The following GON4L variants were observed in gnomAD, a reference collection of about 807,000 sequenced individuals.
GON4L encodes the protein gon-4 like.
In GON4L, 87 loss-of-function variants were observed where a neutral mutation model predicts 211.8. The observed-to-expected ratio is 0.41, with a 90% CI of 0.35 to 0.49. The LOEUF is 0.49. Among genes scored for constraint, GON4L ranks in the 20% least tolerant of loss-of-function variants. The pLI is 0.15. For synonymous variants in GON4L, 875 were observed against 962.6 expected, an observed-to-expected ratio of 0.91 and a Z score of 1.68; for missense variants, 2,155 against 2,659.5, an observed-to-expected ratio of 0.81 and a Z score of 4.17.
chr1:155,754,190 T>G, intron 28 of GON4L, 185 bp downstream of exon 28: 2 of 656,062 alleles, frequency 3.0e-6, no homozygotes, highest in Non-Finnish European at 5.6e-6. Context: ...CAGAATTCTC[T>G]TTAAAAAACA....
chr1:155,853,149 C>A, intron 2 of GON4L, 127 bp downstream of exon 2: 1 of 898,698 alleles, frequency 1.1e-6, no homozygotes. Context: ...CTTAGCAACA[C>A]AGCAGTTCCA....
chr1:155,781,293 C>T (rs1664397922), intron 14 of GON4L, among the ~76,000 whole-genome samples: 1 of 151,800 alleles, frequency 6.6e-6, no homozygotes. Context: ...CAGGCACCTG[C>T]CAACACGTCC....
intron 27 of GON4L, among the ~76,000 whole-genome samples, chr1:155,755,621 C>G (rs1333201430): frequency 6.6e-6 from 1 of 152,186 alleles, no homozygotes; most frequent in African/African-American, 2.4e-5. Flanking sequence ...GACCTAAAGA[C>G]TGACATATCC....
At chr1:155,842,118 T>G (rs1670824147) in intron 2 of GON4L, among the ~76,000 whole-genome samples, 1 of 152,018 alleles carries the variant, frequency 6.6e-6, no homozygotes, top group Non-Finnish European at 1.5e-5. Flanking sequence ...CCCGCTCCCC[T>G]TTGGAACTTA....
rs1571615490 is a variant in GON4L at position 155,754,546 on chromosome 1, T to TTC, written c.5518-59_5518-58insGA. On this transcript the variant is annotated intron_variant, in intron 27 of 31. Coordinates refer to ENST00000368331, the MANE Select transcript of GON4L (RefSeq NM_001282860.2). ...GTTGTTTTTTTTTTTTTTTTTTTTT[T>TTC]TGAGACAGAGTCTCGCTCTGTGGCC... The TTC allele has an allele frequency of 3.9e-6, 4 of 1,030,382 alleles. No individual in the cohort carries two copies. In the East Asian group the frequency reaches 9.7e-5, roughly 25 times the overall value. The allele number at this position is 1,030,382 out of a possible 1,614,324, so 63.8% of individuals were successfully genotyped here. A position where few individuals can be genotyped will look rare whatever the true frequency, so the allele number is the denominator to read the frequency against.
chr1:155,833,738 G>GGGGAGGAGA (rs1553217484), intron 2 of GON4L, among the ~76,000 whole-genome samples: 1 of 66,422 alleles, frequency 1.5e-5, no homozygotes, highest in Non-Finnish European at 2.7e-5. Flanking sequence ...GGGAGGAGAG[G>GGGGAGGAGA]GGAGGAGAGG....
At chr1:155,818,303 G>C (rs1668438908) in intron 6 of GON4L, among the ~76,000 whole-genome samples, 1 of 151,952 alleles carries the variant, frequency 6.6e-6, no homozygotes, top group Admixed American at 6.6e-5. Context: ...GTAGAGACGG[G>C]GTTTCGCCAT....
At chr1:155,791,558 T>C (rs1482322027) in intron 12 of GON4L, among the ~76,000 whole-genome samples, 4 of 151,818 alleles carry the variant, frequency 2.6e-5, no homozygotes, top group African/African-American at 9.7e-5. Context: ...GCTTTTTTTT[T>C]TCTTAACAAC....
intron 16 of GON4L, 105 bp downstream of exon 16, chr1:155,776,290 G>T: frequency 1.1e-6 from 1 of 890,522 alleles, no homozygotes; most frequent in Non-Finnish European, 1.9e-6. Flanking sequence ...AAAAATACCC[G>T]AGAGAAGAAT....
intron 15 of GON4L, among the ~76,000 whole-genome samples, chr1:155,777,026 A>T (rs1663886412): frequency 1.3e-5 from 2 of 152,218 alleles, no homozygotes; most frequent in African/African-American, 4.8e-5. Flanking sequence ...TGAGGTTAGA[A>T]AAAGGAAAAA....
At chr1:155,829,392 G>A (rs1489468618) in intron 2 of GON4L, among the ~76,000 whole-genome samples, 1 of 151,976 alleles carries the variant, frequency 6.6e-6, no homozygotes, top group African/African-American at 2.4e-5. Flanking sequence ...GACTGCCTGA[G>A]CTCAGGAGTT....
chr1:155,821,628 A>T, intron 4 of GON4L, 80 bp from the exon 5 acceptor site: 1 of 828,678 alleles, frequency 1.2e-6, no homozygotes. Context: ...TAACTGTCAG[A>T]CCTATGTACA....
At chr1:155,775,420 T>C (rs1663679925) in intron 16 of GON4L, among the ~76,000 whole-genome samples, 1 of 152,088 alleles carries the variant, frequency 6.6e-6, no homozygotes, top group South Asian at 2.1e-4. Context: ...GTCTAGCTCC[T>C]GAACTAGAAG....
chr1:155,820,420 C>G (rs1163327536), intron 6 of GON4L, among the ~76,000 whole-genome samples, 186 bp downstream of exon 6: 1 of 152,146 alleles, frequency 6.6e-6, no homozygotes, highest in Non-Finnish European at 1.5e-5. Flanking sequence ...TGCTTCATAT[C>G]TACTAAAATA....
chr1:155,808,613 A>C (rs929684509), intron 10 of GON4L, among the ~76,000 whole-genome samples: 1 of 151,908 alleles, frequency 6.6e-6, no homozygotes, highest in Non-Finnish European at 1.5e-5. Context: ...CCATCTCCTC[A>C]AAGAGGCCTT....
intron 18 of GON4L, 87 bp from the exon 19 acceptor site, chr1:155,771,304 C>A: frequency 6.3e-7 from 1 of 1,577,078 alleles, no homozygotes; most frequent in Non-Finnish European, 8.7e-7. Context: ...ACAATCTACT[C>A]TTTCATTTTT....
chr1:155,837,540 T>C (rs1670421398), intron 2 of GON4L, among the ~76,000 whole-genome samples: 1 of 152,094 alleles, frequency 6.6e-6, no homozygotes. Context: ...AGGTCTTGGG[T>C]CCAAGATATC....
chr1:155,824,291 G>A (rs966634844), intron 3 of GON4L, among the ~76,000 whole-genome samples: 2 of 151,238 alleles, frequency 1.3e-5, no homozygotes, highest in Admixed American at 6.6e-5. Flanking sequence ...AAAATTAGCC[G>A]GCCATGGTGG....
intron 21 of GON4L, among the ~76,000 whole-genome samples, chr1:155,763,975 T>A (rs1394951958): frequency 2.7e-5 from 4 of 146,456 alleles, no homozygotes; most frequent in Non-Finnish European, 6.0e-5. Context: ...TGCACTCCAA[T>A]CCGGGAGACA....
Sources: gnomAD v4.1 joint callset for allele counts (sites outside exome capture counted in the v4.1 genomes callset) on GRCh38, gnomAD v4.1.1 for gene constraint, MANE v1.5 for transcripts, NCBI Gene and HGNC (gene_info 2026-07-23, HGNC 2026-07-21) for gene names.